HADHA: variants seen among roughly 807,000 people sequenced by gnomAD.
HADHA encodes the protein hydroxyacyl-CoA dehydrogenase trifunctional multienzyme complex subunit alpha, also known as trifunctional enzyme subunit alpha, mitochondrial.
Under a neutral mutation model 91.3 loss-of-function variants are expected in HADHA, and 59 were observed. The ratio of observed to expected loss-of-function variants is 0.65; its 90% confidence interval spans 0.52 to 0.80. HADHA has a LOEUF of 0.80. Among genes scored for constraint, HADHA ranks in the 30% least tolerant of loss-of-function variants. The pLI, the probability that HADHA is intolerant of heterozygous loss-of-function variation, is 0.00. For synonymous variants in HADHA, 320 were observed against 338.9 expected (o/e 0.94, Z 0.61); for missense variants, 800 against 927.6 (o/e 0.86, Z 1.79).
At chr2:26,196,437 G>A (rs1405254624) in intron 14 of HADHA, among the ~76,000 whole-genome samples, 1 of 152,152 alleles carries the variant, frequency 6.6e-6, no homozygotes, top group Non-Finnish European at 1.5e-5. Flanking sequence ...AGATCTTGAA[G>A]TGTTCACATC....
chr2:26,226,993 T>C (rs543710697), intron 7 of HADHA, among the ~76,000 whole-genome samples: 47 of 152,252 alleles, frequency 3.1e-4, no homozygotes, highest in African/African-American at 1.0e-3. Flanking sequence ...TGCTCTTATA[T>C]AGTGAAAAGA....
intron 14 of HADHA, among the ~76,000 whole-genome samples, chr2:26,196,316 A>C (rs903380160): frequency 6.6e-6 from 1 of 152,180 alleles, no homozygotes; most frequent in Admixed American, 6.5e-5. Flanking sequence ...TAACCCCTAA[A>C]GTGTTCTTTT....
chr2:26,192,426 TA>T lies in HADHA; in HGVS notation c.1886-3del. 6.8e-7 allele frequency: 1 copy of T among 1,460,512 alleles called. No individual in the cohort carries two copies. The highest frequency in any genetic ancestry group is 9.6e-7 in the Non-Finnish European group (1 of 1,039,916). The allele number at this position is 1,460,512 out of a possible 1,614,324, so 90.5% of individuals were successfully genotyped here. ...AAAAGCCCTTCCCAGATTTACGACC[TA>T]AAACAGGCAAGAAAAGGGAGTGTTA... On this transcript the variant is annotated splice_region_variant and splice_polypyrimidine_tract_variant and intron_variant, in intron 17 of 19. Coordinates refer to ENST00000380649, the MANE Select transcript of HADHA (RefSeq NM_000182.5).
intron 3 of HADHA, among the ~76,000 whole-genome samples, chr2:26,237,738 G>C (rs1440259825): frequency 1.3e-5 from 2 of 152,108 alleles, no homozygotes; most frequent in African/African-American, 4.8e-5. Flanking sequence ...GTTATCTTTA[G>C]GTTTGAATTA....
chr2:26,193,225 C>T (rs1669562535), intron 17 of HADHA, among the ~76,000 whole-genome samples: 1 of 151,490 alleles, frequency 6.6e-6, no homozygotes, highest in Non-Finnish European at 1.5e-5. Flanking sequence ...GCTAGAGCCC[C>T]AGAAGGGTAG....
At chr2:26,234,805 T>C (rs2147782889) in intron 4 of HADHA, among the ~76,000 whole-genome samples, 1 of 151,518 alleles carries the variant, frequency 6.6e-6, no homozygotes, top group Middle Eastern at 3.4e-3. Context: ...AAAACATAAA[T>C]GTGTTGCATA....
intron 7 of HADHA, among the ~76,000 whole-genome samples, chr2:26,228,750 C>A (rs893096758): frequency 1.3e-5 from 2 of 152,174 alleles, no homozygotes; most frequent in African/African-American, 4.8e-5. Flanking sequence ...TAGCTCACTA[C>A]AGCCTTGAAC....
At chr2:26,208,843 G>T (rs771474943) in intron 11 of HADHA, among the ~76,000 whole-genome samples, 9 of 152,180 alleles carry the variant, frequency 5.9e-5, no homozygotes, top group Non-Finnish European at 1.3e-4. Flanking sequence ...AGCAGTTAAG[G>T]TTGTATTTCA....
At chr2:26,191,713 T>G (rs1186248914) in intron 18 of HADHA, 85 bp from the exon 19 acceptor site, 1 of 1,379,798 alleles carries the variant, frequency 7.2e-7, no homozygotes, top group Non-Finnish European at 1.0e-6. Context: ...GAAGTCGGGA[T>G]GGGTGCATGG....
At chr2:26,230,602 GT>G (rs535633594) in intron 6 of HADHA, among the ~76,000 whole-genome samples, 24 of 152,004 alleles carry the variant, frequency 1.6e-4, no homozygotes, top group African/African-American at 5.5e-4. Flanking sequence ...ATTCTGAGGG[GT>G]TTTTTTCTAT....
chr2:26,236,313 G>T (rs1459602183), intron 4 of HADHA, among the ~76,000 whole-genome samples: 1 of 149,256 alleles, frequency 6.7e-6, no homozygotes, highest in Non-Finnish European at 1.5e-5. Flanking sequence ...TTATAAACAA[G>T]GGGTGAGATT....
At chr2:26,208,451 A>G (rs1351595971) in intron 11 of HADHA, among the ~76,000 whole-genome samples, 1 of 152,176 alleles carries the variant, frequency 6.6e-6, no homozygotes, top group Non-Finnish European at 1.5e-5. Context: ...ATAAATTAAG[A>G]CACTAGGTTT....
At chr2:26,213,131 T>A (rs182301086) in intron 9 of HADHA, among the ~76,000 whole-genome samples, 2 of 152,218 alleles carry the variant, frequency 1.3e-5, no homozygotes, top group Non-Finnish European at 2.9e-5. Context: ...CAAATTGACA[T>A]CTCTAACTCT....
chr2:26,242,874 C>T (rs1252268448), intron 1 of HADHA, among the ~76,000 whole-genome samples: 2 of 152,234 alleles, frequency 1.3e-5, no homozygotes, highest in Non-Finnish European at 2.9e-5. Context: ...GCCTCAGCCT[C>T]CCGAGTAGCT....
At position 26,204,709 on chromosome 2, in the gene HADHA, G is replaced by C. The variant is rs116441214; in HGVS notation, c.1086-513C>G. ...AGTGATCCTTCTGCCTCAGTCTCCT[G>C]AGTAGCTCGGACTAAAGGTGCATAT... On this transcript the variant is annotated intron_variant, in intron 11 of 19. Transcript: ENST00000380649. 4.8e-3 allele frequency among the ~76,000 whole-genome samples: 729 copies of C among 152,170 alleles called. 3 individuals are homozygous for C. Among genetic ancestry groups the C allele is most frequent in the African/African-American group, 0.017 (709 of 41,526 alleles).
At chr2:26,224,466 T>C (rs571404160) in intron 7 of HADHA, among the ~76,000 whole-genome samples, 2 of 152,246 alleles carry the variant, frequency 1.3e-5, no homozygotes, top group African/African-American at 4.8e-5. Context: ...TTGTTATGAA[T>C]ATATATAATT....
At chr2:26,196,124 C>T (rs989070089) in intron 14 of HADHA, among the ~76,000 whole-genome samples, 18 of 152,296 alleles carry the variant, frequency 1.2e-4, no homozygotes, top group African/African-American at 2.9e-4. Context: ...CATTACAACC[C>T]TATGAACTGG....
chr2:26,215,738 G>A (rs1047644930), intron 7 of HADHA, among the ~76,000 whole-genome samples: 1 of 152,204 alleles, frequency 6.6e-6, no homozygotes, highest in Non-Finnish European at 1.5e-5. Context: ...CAACAGATTA[G>A]AAGCTAGAAG....
At chr2:26,212,541 A>T (rs763454605) in intron 10 of HADHA, 29 bp downstream of exon 10, 1 of 1,357,992 alleles carries the variant, frequency 7.4e-7, no homozygotes, top group Non-Finnish European at 1.1e-6. Context: ...TTTAACTGAT[A>T]ATAAAACATT....
Sources: allele counts gnomAD v4.1 joint callset (sites outside exome capture counted in the v4.1 genomes callset), GRCh38; gene constraint gnomAD v4.1.1; transcripts MANE v1.5; gene names NCBI Gene and HGNC (gene_info 2026-07-23, HGNC 2026-07-21).